The following MMD2 variants were observed in gnomAD, a reference collection of about 807,000 sequenced individuals.
MMD2 encodes monocyte to macrophage differentiation associated 2.
In MMD2, 30 loss-of-function variants were observed where a neutral mutation model predicts 33.5. The ratio of observed to expected loss-of-function variants is 0.90; its 90% confidence interval spans 0.67 to 1.22. The LOEUF is 1.22. MMD2 is among the 50% of genes most tolerant of loss of function. MMD2 has a pLI of 0.00. For missense variants in MMD2, 364 were observed against 325.4 expected, an observed-to-expected ratio of 1.12 and a Z score of -0.91; for synonymous variants, 129 against 123.0, an observed-to-expected ratio of 1.05 and a Z score of -0.32.
intron 1 of MMD2, among the ~76,000 whole-genome samples, chr7:4,950,921 C>A (rs1370405454): frequency 6.6e-6 from 1 of 152,046 alleles, no homozygotes; most frequent in Non-Finnish European, 1.5e-5. Context: ...CCATCTTGGC[C>A]AGGCTGGTCT....
chr7:4,918,730 C>G (rs1785202633), intron 3 of MMD2, among the ~76,000 whole-genome samples: 1 of 151,914 alleles, frequency 6.6e-6, no homozygotes, highest in South Asian at 2.1e-4. Flanking sequence ...TCAAGTGATC[C>G]TCCTACCTCG....
At chr7:4,929,827 C>T (rs1023726263) in intron 1 of MMD2, among the ~76,000 whole-genome samples, 1 of 152,096 alleles carries the variant, frequency 6.6e-6, no homozygotes. Flanking sequence ...CCAGCCAAGA[C>T]TGGCTTATTA....
intron 1 of MMD2, among the ~76,000 whole-genome samples, chr7:4,942,524 T>C (rs111682087): frequency 0.036 from 5,484 of 152,072 alleles, 337 homozygotes; most frequent in African/African-American, 0.13. Flanking sequence ...TGCCTCAGCC[T>C]CTCAAAGTGC....
intron 3 of MMD2, among the ~76,000 whole-genome samples, chr7:4,916,409 G>A (rs1451767025): frequency 1.7e-5 from 2 of 116,172 alleles, no homozygotes; most frequent in Non-Finnish European, 3.3e-5. Context: ...TTAAGATAAG[G>A]TCTTGCTCTG....
At position 4,906,783 on chromosome 7, in the gene MMD2, A is replaced by C. The variant is rs1297787865; in HGVS notation, c.*613T>G. On this transcript the variant is annotated 3_prime_UTR_variant, in exon 7 of 7. Coordinates refer to ENST00000401401, the MANE Select transcript of MMD2 (RefSeq NM_198403.4). ...TATCCCATTTCAGAGCACACCAGAC[A>C]GGAAGGGCAAAGAGGTCCCATCATG... The C allele has an allele frequency of 2.7e-6, 1 of 373,390 alleles. No individual in the cohort carries two copies. Among genetic ancestry groups the C allele is most frequent in the Non-Finnish European group, 4.8e-6 (1 of 209,914 alleles). 23.1% of individuals were successfully genotyped at this position (373,390 alleles called of 1,614,324 possible).
intron 1 of MMD2, among the ~76,000 whole-genome samples, chr7:4,926,044 G>C (rs1785416328): frequency 6.6e-6 from 1 of 152,004 alleles, no homozygotes; most frequent in African/African-American, 2.4e-5. Flanking sequence ...GACCTCAGGT[G>C]ATCCGCCCGC....
intron 1 of MMD2, among the ~76,000 whole-genome samples, chr7:4,936,486 T>C (rs927307293): frequency 5.9e-5 from 9 of 152,152 alleles, no homozygotes; most frequent in Non-Finnish European, 1.2e-4. Flanking sequence ...TTGATTTGTG[T>C]TGTTTGAATC....
chr7:4,937,970 T>C (rs1297299685), intron 1 of MMD2, among the ~76,000 whole-genome samples: 1 of 131,866 alleles, frequency 7.6e-6, no homozygotes, highest in Non-Finnish European at 1.6e-5. Flanking sequence ...ATTTAATTTC[T>C]TTTTCTTTTT....
chr7:4,946,093 A>G lies in MMD2; in HGVS notation c.47+12878T>C, dbSNP rs193215861. The stretch of plus-strand genomic sequence containing the variant: ...CTCACACGCACGCACACGCACGCAC[A>G]CACACGCATGCACACGCGCACACGC... On this transcript the variant is annotated intron_variant, in intron 1 of 6. Transcript: ENST00000401401. This position sits in a 1 kb window ranked among gnomAD's most constrained non-coding sequence, Gnocchi z 5.0. 7.1e-3 allele frequency among the ~76,000 whole-genome samples: 1,068 copies of G among 151,430 alleles called. 7 individuals carry two copies. The highest frequency in any genetic ancestry group is 0.011 in the Non-Finnish European group (761 of 67,802).
chr7:4,958,210 A>C (rs1786440347), intron 1 of MMD2, among the ~76,000 whole-genome samples: 1 of 152,138 alleles, frequency 6.6e-6, no homozygotes, highest in East Asian at 1.9e-4. Context: ...CCGAGGAGCA[A>C]CTTTAGGAGG....
intron 1 of MMD2, among the ~76,000 whole-genome samples, chr7:4,950,738 T>C (rs936917287): frequency 6.8e-6 from 1 of 146,232 alleles, no homozygotes; most frequent in Non-Finnish European, 1.5e-5. Context: ...TGAGATGGAG[T>C]CTCACTCTGT....
chr7:4,942,667 C>T (rs922896224), intron 1 of MMD2, among the ~76,000 whole-genome samples: 16 of 151,418 alleles, frequency 1.1e-4, no homozygotes, highest in African/African-American at 2.7e-4. Flanking sequence ...GGCTGGAGTG[C>T]GATGGTGCTA....
At chr7:4,922,153 G>A (rs986987759) in intron 2 of MMD2, among the ~76,000 whole-genome samples, 2 of 152,118 alleles carry the variant, frequency 1.3e-5, no homozygotes, top group African/African-American at 4.8e-5. Flanking sequence ...TTCAACCCAG[G>A]AGGCGGAGGT....
In MMD2 at chr7:4,946,510, G is replaced by A. The variant is rs1009855523; in HGVS notation, c.47+12461C>T. On this transcript the variant is annotated intron_variant, in intron 1 of 6. Transcript: ENST00000401401. This position sits in a 1 kb window ranked among gnomAD's most constrained non-coding sequence, Gnocchi z 5.0. ...CTTGAAAAAGCATAAAATTGCAACC[G>A]CGAGTGAAACAAAGGATTCAGACAA... Among the ~76,000 whole-genome samples the A allele has an allele frequency of 3.3e-5, 5 of 152,088 alleles. No homozygotes were observed. Among genetic ancestry groups the A allele is most frequent in the Admixed American group, 6.6e-5 (1 of 15,232 alleles).
At chr7:4,921,909 G>A (rs189762483) in intron 2 of MMD2, among the ~76,000 whole-genome samples, 18 of 152,142 alleles carry the variant, frequency 1.2e-4, no homozygotes, top group African/African-American at 4.1e-4. Flanking sequence ...CCTTGCTGTA[G>A]GGGATGGAAT....
chr7:4,911,961 A>C (rs1034167534), intron 4 of MMD2, among the ~76,000 whole-genome samples: 14 of 151,842 alleles, frequency 9.2e-5, no homozygotes, highest in Admixed American at 2.6e-4. Flanking sequence ...ATCCTTTGTT[A>C]ATAATTATTT....
intron 1 of MMD2, among the ~76,000 whole-genome samples, chr7:4,957,794 C>T (rs1414377837): frequency 6.6e-6 from 1 of 152,158 alleles, no homozygotes. Context: ...TCATCATGTC[C>T]CCCAGGGGGA....
At chr7:4,907,919 A>T (rs1784904842) in intron 6 of MMD2, among the ~76,000 whole-genome samples, 1 of 152,100 alleles carries the variant, frequency 6.6e-6, no homozygotes. Flanking sequence ...CTCCTGCCTC[A>T]GCCTCCCCAG....
intron 2 of MMD2, among the ~76,000 whole-genome samples, chr7:4,923,429 T>C (rs974988229): frequency 6.6e-6 from 1 of 151,910 alleles, no homozygotes; most frequent in African/African-American, 2.4e-5. Flanking sequence ...TCCTCAGGAG[T>C]GTGCTGTCAA....
Sources: gnomAD v4.1 joint callset for allele counts (sites outside exome capture counted in the v4.1 genomes callset) on GRCh38, gnomAD v4.1.1 for gene constraint, Gnocchi (gnomAD v3.1) non-coding constraint, MANE v1.5 for transcripts, NCBI Gene and HGNC (gene_info 2026-07-23, HGNC 2026-07-21) for gene names.